PHLDB2: variants seen among roughly 807,000 people sequenced by gnomAD.
PHLDB2 encodes the protein pleckstrin homology-like domain family B member 2.
A neutral mutation model predicts 123.6 loss-of-function variants in PHLDB2; 71 were observed. The observed-to-expected ratio is 0.57, with a 90% confidence interval of 0.47 to 0.70. The LOEUF is 0.70. Among genes scored for constraint, PHLDB2 ranks in the 30% least tolerant of loss-of-function variants. The probability of loss-of-function intolerance (pLI) is 0.00; values close to 1 mark genes in which losing one functional copy is unlikely to be tolerated. For missense variants in PHLDB2, 1,446 were observed against 1,519.5 expected (o/e 0.95, Z 0.80); for synonymous variants, 547 against 541.6 (o/e 1.01, Z -0.14).
intron 16 of PHLDB2, among the ~76,000 whole-genome samples, chr3:111,971,232 T>C (rs111288096): frequency 1.7e-4 from 26 of 152,258 alleles, no homozygotes; most frequent in African/African-American, 4.8e-4. Context: ...ACCCAGAATT[T>C]TCCAAAAATA....
intron 1 of PHLDB2, among the ~76,000 whole-genome samples, chr3:111,867,363 A>G (rs993387785): frequency 7.2e-5 from 11 of 152,318 alleles, no homozygotes; most frequent in African/African-American, 2.6e-4. Flanking sequence ...CTTTTTTAAA[A>G]GATACTTTAT....
intron 1 of PHLDB2, among the ~76,000 whole-genome samples, chr3:111,764,205 T>C (rs1262263614): frequency 6.6e-6 from 1 of 152,148 alleles, no homozygotes; most frequent in African/African-American, 2.4e-5. Flanking sequence ...TGAAGTAATG[T>C]TTGGGAAGTT....
At chr3:111,967,622 C>A in intron 14 of PHLDB2, 56 bp from the exon 15 acceptor site, 2 of 1,499,742 alleles carry the variant, frequency 1.3e-6, no homozygotes, top group Admixed American at 2.3e-5. Flanking sequence ...TTGATTGGAA[C>A]CATTCAAGTA....
At position 111,760,042 on chromosome 3, in the gene PHLDB2, T is replaced by G. The variant is rs766619254; in HGVS notation, c.-49+27339T>G. Among the ~76,000 whole-genome samples, 4 of 152,232 alleles carry G rather than the reference T, an allele frequency of 2.6e-5. No homozygotes were observed. In the South Asian group the frequency reaches 8.3e-4, roughly 31 times the overall value. On this transcript the variant is annotated intron_variant, in intron 1 of 17. Coordinates refer to the PHLDB2 transcript ENST00000393923. ...ATTCAGGCTGTAGCCACAATACTTA[T>G]GCAAAAGCATTTCAGGGGAGACATT...
intron 5 of PHLDB2, among the ~76,000 whole-genome samples, chr3:111,930,154 G>T (rs182215451): frequency 1.3e-5 from 2 of 151,550 alleles, no homozygotes; most frequent in East Asian, 1.9e-4. Context: ...CCCGTGATCC[G>T]CCTGCCTCGG....
intron 2 of PHLDB2, among the ~76,000 whole-genome samples, chr3:111,886,390 T>C (rs998955234): frequency 6.6e-6 from 1 of 152,180 alleles, no homozygotes; most frequent in Non-Finnish European, 1.5e-5. Flanking sequence ...CACAATGGCT[T>C]TGAATGCCAC....
At chr3:111,822,215 T>C (rs1434459349) in intron 1 of PHLDB2, among the ~76,000 whole-genome samples, 1 of 151,866 alleles carries the variant, frequency 6.6e-6, no homozygotes, top group Non-Finnish European at 1.5e-5. Flanking sequence ...GTTTCTCACA[T>C]GTTGCTCTCC....
chr3:111,742,036 G>A (rs2059612779), intron 1 of PHLDB2, among the ~76,000 whole-genome samples: 1 of 152,158 alleles, frequency 6.6e-6, no homozygotes, highest in Admixed American at 6.5e-5. Context: ...TGGTTAGATT[G>A]TATGCTGAGT....
chr3:111,782,654 G>A (rs1297987217), intron 1 of PHLDB2, among the ~76,000 whole-genome samples: 1 of 152,028 alleles, frequency 6.6e-6, no homozygotes, highest in Non-Finnish European at 1.5e-5. Context: ...TCCTGCTAGA[G>A]CTTCTTTCTG....
intron 1 of PHLDB2, among the ~76,000 whole-genome samples, chr3:111,762,637 T>C (rs993305380): frequency 1.3e-5 from 2 of 152,186 alleles, no homozygotes; most frequent in Non-Finnish European, 1.5e-5. Context: ...GTATTATTTC[T>C]TCAAGCCCTC....
At chr3:111,825,914 A>G (rs2062633249) in intron 1 of PHLDB2, among the ~76,000 whole-genome samples, 1 of 152,176 alleles carries the variant, frequency 6.6e-6, no homozygotes, top group Non-Finnish European at 1.5e-5. Flanking sequence ...TATTTTAAGA[A>G]GTGTAATTTA....
chr3:111,883,344 G>A (rs1401680984), intron 1 of PHLDB2, among the ~76,000 whole-genome samples: 14 of 152,158 alleles, frequency 9.2e-5, no homozygotes, highest in Admixed American at 9.2e-4. Flanking sequence ...CTAGAGGAGA[G>A]AATTTGCAAG....
intron 2 of PHLDB2, among the ~76,000 whole-genome samples, chr3:111,893,898 A>ATTTTTATT (rs1222226724): frequency 4.5e-5 from 3 of 67,138 alleles, no homozygotes; most frequent in Admixed American, 3.6e-4. Flanking sequence ...TTTTGGATTT[A>ATTTTTATT]TTTTTATTTA....
At chr3:111,849,931 G>A (rs971954340) in intron 2 of PHLDB2, among the ~76,000 whole-genome samples, 9 of 151,212 alleles carry the variant, frequency 6.0e-5, no homozygotes, top group African/African-American at 1.9e-4. Flanking sequence ...GCGCGATCTC[G>A]GCTCACTGCA....
rs546674586 is a variant in PHLDB2, at chr3:111,936,284, T to A, written c.2131-3191T>A. On this transcript the variant is annotated intron_variant, in intron 6 of 17. Coordinates refer to ENST00000431670, the MANE Select transcript of PHLDB2 (RefSeq NM_001134438.2). ...CTTTGAGCTTGCCATCCAGTAGAGA[T>A]ATGTAATGCTCTTTTAGTGAGTGAA... Among the ~76,000 whole-genome samples, 309 of 152,336 alleles carry A rather than the reference T, an allele frequency of 2.0e-3. 1 individual carries two copies. Among genetic ancestry groups the A allele is most frequent in the African/African-American group, 7.3e-3 (305 of 41,580 alleles).
chr3:111,877,886 G>A (rs1424210476), intron 1 of PHLDB2, among the ~76,000 whole-genome samples: 10 of 152,080 alleles, frequency 6.6e-5, no homozygotes, highest in Admixed American at 6.5e-4. Flanking sequence ...TAGATGGGTG[G>A]TGTTATTTCT....
intron 1 of PHLDB2, among the ~76,000 whole-genome samples, chr3:111,816,360 G>C (rs761274432): frequency 1.3e-5 from 2 of 152,212 alleles, no homozygotes; most frequent in Non-Finnish European, 2.9e-5. Flanking sequence ...AGGGAGCTGG[G>C]AGGGAGGCTG....
intron 1 of PHLDB2, among the ~76,000 whole-genome samples, chr3:111,744,766 G>T (rs1001957830): frequency 5.3e-5 from 8 of 152,152 alleles, no homozygotes; most frequent in Non-Finnish European, 1.2e-4. Flanking sequence ...TCATCTTAAA[G>T]AAACGAGGAT....
At chr3:111,960,012 G>A in intron 12 of PHLDB2, 1 of 169,214 alleles carries the variant, frequency 5.9e-6, no homozygotes, top group Non-Finnish European at 1.2e-5. Context: ...TGTAGTTGGT[G>A]CCAATGTGAA....
Sources: gnomAD v4.1 joint callset for allele counts (sites outside exome capture counted in the v4.1 genomes callset) on GRCh38, gnomAD v4.1.1 for gene constraint, MANE v1.5 for transcripts, NCBI Gene and HGNC (gene_info 2026-07-23, HGNC 2026-07-21) for gene names.